Variants in LAMA2 observed in about 807,000 individuals in gnomAD.
LAMA2 encodes laminin subunit alpha-2.
LAMA2 carries 269 observed loss-of-function variants against 364.8 expected under a neutral mutation model. That is an observed-to-expected ratio of 0.74 (90% CI 0.67 to 0.82). The LOEUF is 0.82. Among genes scored for constraint, LAMA2 ranks in the 40% least tolerant of loss-of-function variants. LAMA2 has a pLI of 0.00. For synonymous variants in LAMA2, 1,379 were observed against 1,370.6 expected (o/e 1.01, Z -0.14); for missense variants, 3,807 against 3,873.2 (o/e 0.98, Z 0.45).
intron 1 of LAMA2, among the ~76,000 whole-genome samples, chr6:128,934,103 T>C (rs1458140493): frequency 6.6e-6 from 1 of 152,208 alleles, no homozygotes; most frequent in Non-Finnish European, 1.5e-5. Context: ...CATTTTCAGT[T>C]GATTTTTGTA....
chr6:129,478,605 C>A, intron 53 of LAMA2, 88 bp from the exon 54 acceptor site: 1 of 1,390,092 alleles, frequency 7.2e-7, no homozygotes. Context: ...CATGTGTCTG[C>A]TCCACAAGGC....
At chr6:129,429,207 T>C (rs1330559840) in intron 41 of LAMA2, among the ~76,000 whole-genome samples, 1 of 152,202 alleles carries the variant, frequency 6.6e-6, no homozygotes, top group Non-Finnish European at 1.5e-5. Flanking sequence ...CTCATAGGCT[T>C]GTCAAACCAC....
Position 128,896,473 on chromosome 6 carries a change from C to G in LAMA2, c.112+13116C>G, listed in dbSNP as rs936159118. ...GAAAGAGTTAATTGATGTGTCCCAT[C>G]TTTATTGCTTTTGTAAATAGCTATA... On this transcript the variant is annotated intron_variant, in intron 1 of 64. Coordinates refer to ENST00000421865, the MANE Select transcript of LAMA2 (RefSeq NM_000426.4). Among the ~76,000 whole-genome samples the G allele has an allele frequency of 4.0e-5, 6 of 151,090 alleles. No individual in the cohort carries two copies. In the South Asian group the frequency reaches 1.3e-3, roughly 32 times the overall value.
chr6:128,949,135 T>C (rs1376398146), intron 1 of LAMA2, among the ~76,000 whole-genome samples: 1 of 152,192 alleles, frequency 6.6e-6, no homozygotes, highest in Non-Finnish European at 1.5e-5. Flanking sequence ...AATTTTAATA[T>C]CATTAGAAAG....
intron 1 of LAMA2, among the ~76,000 whole-genome samples, chr6:128,923,908 A>G (rs1156506412): frequency 6.6e-6 from 1 of 152,066 alleles, no homozygotes; most frequent in Non-Finnish European, 1.5e-5. Context: ...AGAGGAAGAG[A>G]GGAGTGGGGA....
intron 12 of LAMA2, among the ~76,000 whole-genome samples, chr6:129,241,716 A>G (rs1383746181): frequency 6.6e-6 from 1 of 152,168 alleles, no homozygotes; most frequent in Non-Finnish European, 1.5e-5. Context: ...AGACATGTCA[A>G]ACAACTAACA....
rs754173965 is a variant in LAMA2 at position 129,291,718 on chromosome 6, A to C, written c.2854A>C (p.Lys952Gln). ...TCAGGGTCAGAGATGTGACAAATGC[A>C]AGGTAAGGAGTAGAGGCTGACCCAT... ...NVQGQRCDKC[K>Q]AGTFGLQSAR... The change falls in exon 20 of 65, where the codon AAG (lysine) becomes CAG (glutamine). Residue 952 changes from lysine to glutamine, a missense_variant and splice_region_variant. Transcript: ENST00000421865. 18 of 1,605,946 alleles carry C rather than the reference A, an allele frequency of 1.1e-5. No individual in the cohort carries two copies. The highest frequency in any genetic ancestry group is 1.5e-5 in the Non-Finnish European group (18 of 1,172,586).
intron 30 of LAMA2, among the ~76,000 whole-genome samples, chr6:129,347,433 A>G (rs1308237619): frequency 6.6e-6 from 1 of 152,166 alleles, no homozygotes; most frequent in African/African-American, 2.4e-5. Flanking sequence ...AGAAAACTGA[A>G]TTGTGAAGCA....
intron 4 of LAMA2, among the ~76,000 whole-genome samples, chr6:129,114,170 A>G (rs1263120018): frequency 6.6e-6 from 1 of 152,092 alleles, no homozygotes; most frequent in Non-Finnish European, 1.5e-5. Flanking sequence ...AAAAATCCCA[A>G]GAGAACTTGT....
intron 51 of LAMA2, among the ~76,000 whole-genome samples, chr6:129,467,727 T>C (rs1437738377): frequency 1.3e-5 from 2 of 151,882 alleles, no homozygotes; most frequent in Non-Finnish European, 2.9e-5. Flanking sequence ...ATTCTATCCA[T>C]TAAAACAAAT....
intron 32 of LAMA2, among the ~76,000 whole-genome samples, chr6:129,356,274 C>T (rs752981738): frequency 2.0e-5 from 3 of 152,108 alleles, no homozygotes; most frequent in Non-Finnish European, 4.4e-5. Context: ...GACCTAAATT[C>T]AGCCCCACCA....
At chr6:128,964,280 AT>A (rs1315609295) in intron 1 of LAMA2, among the ~76,000 whole-genome samples, 2 of 152,014 alleles carry the variant, frequency 1.3e-5, no homozygotes, top group African/African-American at 4.8e-5. Context: ...AACTGGCTGT[AT>A]TTTCCGACTG....
chr6:129,407,846 A>C (rs1002347156), intron 40 of LAMA2, among the ~76,000 whole-genome samples: 1 of 152,084 alleles, frequency 6.6e-6, no homozygotes, highest in African/African-American at 2.4e-5. Context: ...GCCCTATGGG[A>C]TCTCCTGTAT....
At chr6:129,436,303 A>G (rs1208109228) in intron 41 of LAMA2, among the ~76,000 whole-genome samples, 4 of 152,076 alleles carry the variant, frequency 2.6e-5, no homozygotes, top group African/African-American at 9.6e-5. Context: ...ACCAGCCCCT[A>G]CCATGCCAAA....
chr6:129,043,267 G>T (rs1387507165), intron 1 of LAMA2, among the ~76,000 whole-genome samples: 2 of 151,950 alleles, frequency 1.3e-5, no homozygotes, highest in Non-Finnish European at 2.9e-5. Flanking sequence ...CTTTATTATA[G>T]TTGTCATATA....
intron 4 of LAMA2, among the ~76,000 whole-genome samples, chr6:129,104,411 A>G (rs1474191705): frequency 6.6e-6 from 1 of 152,240 alleles, no homozygotes; most frequent in Non-Finnish European, 1.5e-5. Context: ...TAGGCTTAGA[A>G]CATTAATAGG....
chr6:129,136,985 G>A (rs1256749227), intron 4 of LAMA2, among the ~76,000 whole-genome samples: 1 of 152,126 alleles, frequency 6.6e-6, no homozygotes, highest in Non-Finnish European at 1.5e-5. Flanking sequence ...TGGTCACAGT[G>A]TTAGGTATCG....
intron 1 of LAMA2, among the ~76,000 whole-genome samples, chr6:128,894,119 T>C (rs1776628649): frequency 6.6e-6 from 1 of 152,264 alleles, no homozygotes; most frequent in Non-Finnish European, 1.5e-5. Flanking sequence ...GGCTGCAGTG[T>C]GGTATCTGAA....
intron 32 of LAMA2, among the ~76,000 whole-genome samples, chr6:129,360,588 C>T (rs1197918266): frequency 6.6e-6 from 1 of 152,148 alleles, no homozygotes; most frequent in Non-Finnish European, 1.5e-5. Context: ...TAAAACTTAC[C>T]TTTCACTTAT....
Sources: gnomAD v4.1 joint callset for allele counts (sites outside exome capture counted in the v4.1 genomes callset) on GRCh38, gnomAD v4.1.1 for gene constraint, MANE v1.5 for transcripts, NCBI Gene and HGNC (gene_info 2026-07-23, HGNC 2026-07-21) for gene names.